The following RERGL variants were observed in gnomAD, a reference collection of about 807,000 sequenced individuals.
RERGL encodes ras-related and estrogen-regulated growth inhibitor-like protein.
In RERGL, 22 loss-of-function variants were observed where a neutral mutation model predicts 24.7. That is an observed-to-expected ratio of 0.89 (90% CI 0.64 to 1.27). The LOEUF is 1.27. RERGL is among the 50% of genes most tolerant of loss of function. The pLI, the probability that RERGL is intolerant of heterozygous loss-of-function variation, is 0.00. For synonymous variants in RERGL, 76 were observed against 82.6 expected, an observed-to-expected ratio of 0.92 and a Z score of 0.43; for missense variants, 259 against 235.3, an observed-to-expected ratio of 1.10 and a Z score of -0.66.
chr12:18,087,523 T>C (rs1947231692), intron 2 of RERGL, among the ~76,000 whole-genome samples: 1 of 152,196 alleles, frequency 6.6e-6, no homozygotes, highest in Non-Finnish European at 1.5e-5. Context: ...TTTCCCCTTC[T>C]AGTTTTAATA....
Position 18,081,370 on chromosome 12 carries a change from A to T in RERGL, c.436T>A (p.Cys146Ser). 6.2e-7 allele frequency: 1 copy of T among 1,614,174 alleles called. No homozygotes were observed. The highest frequency in any genetic ancestry group is 8.5e-7 in the Non-Finnish European group (1 of 1,180,018). The change falls in exon 5 of 5, where the codon TGC becomes AGC. Residue 146 changes from cysteine to serine, a missense_variant. Physicochemically the swap from Cys to Ser is moderately radical, Grantham distance 112. Transcript: ENST00000538724. Reference protein sequence around the residue: ...EGQKLALENRCQFCELSAAEQ... With the variant: ...EGQKLALENRSQFCELSAAEQ... Reference sequence around the variant, plus strand: ...GCTGCAGACAGTTCACAGAATTGGCATCGGTTTTCCAGTGCCAGCTTTTGC... The same window carrying T: ...GCTGCAGACAGTTCACAGAATTGGCTTCGGTTTTCCAGTGCCAGCTTTTGC...
At chr12:18,084,494 G>C (rs757806152) in intron 4 of RERGL, 23 bp downstream of exon 4, 1 of 1,585,598 alleles carries the variant, frequency 6.3e-7, no homozygotes, top group Non-Finnish European at 8.6e-7. Flanking sequence ...AAAGAAAGGA[G>C]AAAGGAATGA....
At chr12:18,084,791 T>C (rs1295707013) in intron 3 of RERGL, 126 bp from the exon 4 acceptor site, 2 of 647,264 alleles carry the variant, frequency 3.1e-6, no homozygotes, top group African/African-American at 3.8e-5. Context: ...TATTGATATT[T>C]TCTAAAATAT....
intron 4 of RERGL, among the ~76,000 whole-genome samples, chr12:18,084,146 A>C (rs1465327219): frequency 6.6e-6 from 1 of 152,216 alleles, no homozygotes; most frequent in East Asian, 1.9e-4. Flanking sequence ...ATGTGGTGCC[A>C]AACGTAATAA....
Position 18,089,043 on chromosome 12 carries a change from C to A in RERGL, c.53-87G>T, listed in dbSNP as rs531466257. The stretch of plus-strand genomic sequence containing the variant: ...TGTGCATAAGGCTTTAGTTCTTAAA[C>A]CAAAAATATTCAAGAATTAATAAAG... On this transcript the variant is annotated intron_variant, in intron 1 of 4. Transcript: ENST00000538724. 43 of 1,219,724 alleles carry A rather than the reference C, an allele frequency of 3.5e-5. No individual in the cohort carries two copies. The African/African-American group carries it at 6.1e-4, about 17-fold the overall frequency. 75.6% of individuals were successfully genotyped at this position (1,219,724 alleles called of 1,614,324 possible). A position where few individuals can be genotyped will look rare whatever the true frequency, so the allele number is the denominator to read the frequency against.
At position 18,090,181 on chromosome 12, in the gene RERGL, T is replaced by A. The variant is rs867640866; in HGVS notation, c.-41A>T. 1.9e-5 allele frequency: 28 copies of A among 1,495,626 alleles called. No homozygotes were observed. In the African/African-American group the frequency reaches 3.1e-4, roughly 16 times the overall value. 92.6% of individuals were successfully genotyped at this position (1,495,626 alleles called of 1,614,324 possible). ...CTTGGTCAGTCCTATTTTCTGGAAC[T>A]ACACTGCCCTGTGACAAGCTTTTTT... is the stretch of plus-strand genomic sequence containing the variant. On this transcript the variant is annotated 5_prime_UTR_variant, in exon 1 of 5. Coordinates refer to ENST00000538724, the MANE Select transcript of RERGL (RefSeq NM_001286201.2).
chr12:18,088,925 G>T lies in RERGL; in HGVS notation c.84C>A (p.Phe28Leu). The T allele has an allele frequency of 6.2e-7, 1 of 1,609,478 alleles. No individual in the cohort carries two copies. Among genetic ancestry groups the T allele is most frequent in the Non-Finnish European group, 8.5e-7 (1 of 1,176,110 alleles). Residue 28 changes from phenylalanine (F) to leucine (L), a missense_variant, in exon 2 of 5, where the codon TTC (phenylalanine) becomes TTA (leucine). Transcript: ENST00000538724. Reference protein sequence around the residue: ...ALTVRFLTKRFIGEYASNFES... With the variant: ...ALTVRFLTKRLIGEYASNFES... ...CAAAATTAGAAGCATATTCTCCAAT[G>T]AATCGCTTAGTAAGAAACCTCACTG... is the stretch of plus-strand genomic sequence containing the variant.
chr12:18,081,523 T>C (rs1311618851), intron 4 of RERGL, 50 bp from the exon 5 acceptor site: 3 of 1,343,898 alleles, frequency 2.2e-6, no homozygotes, highest in Non-Finnish European at 3.0e-6. Flanking sequence ...ACAACTCTTT[T>C]TTTTAAAAAA....
intron 1 of RERGL, among the ~76,000 whole-genome samples, chr12:18,089,791 G>T (rs571824267): frequency 6.6e-6 from 1 of 152,034 alleles, no homozygotes; most frequent in Admixed American, 6.6e-5. Flanking sequence ...TAGTGATGCA[G>T]AAATTTCCTG....
chr12:18,085,652 G>C lies in RERGL; in HGVS notation c.151C>G (p.Leu51Val). The C allele has an allele frequency of 6.3e-7, 1 of 1,598,626 alleles. No homozygotes were observed. Among genetic ancestry groups the C allele is most frequent in the Non-Finnish European group, 8.6e-7 (1 of 1,169,416 alleles). ...CAAGGGTCATATATTTCTAGATTTA[G>C]TTGTTTCCTTTCCAAACACAAGTGC... is the stretch of plus-strand genomic sequence containing the variant. ...KKHLCLERKQ[L>V]NLEIYDPCSQ... The change falls in exon 3 of 5, where the codon CTA becomes GTA. Residue 51 changes from leucine to valine, a missense_variant. By Grantham distance (32) the Leu-to-Val change is conservative (BLOSUM62 1). Transcript: ENST00000538724.
rs1418166946 is a variant in RERGL at position 18,085,711 on chromosome 12, T to A, written c.110-18A>T. ...GATAGATTCTGCAAAAATATGCATA[T>A]CCACTGTCAGTATGAAAATACTCCA... On this transcript the variant is annotated intron_variant, in intron 2 of 4. Coordinates refer to ENST00000538724, the MANE Select transcript of RERGL (RefSeq NM_001286201.2). The A allele has an allele frequency of 2.1e-6, 3 of 1,428,954 alleles. No homozygotes were observed. The highest frequency in any genetic ancestry group is 2.9e-6 in the Non-Finnish European group (3 of 1,022,546). The allele number at this position is 1,428,954 out of a possible 1,614,324, so 88.5% of individuals were successfully genotyped here.
chr12:18,088,812 G>T, intron 2 of RERGL, 88 bp downstream of exon 2: 1 of 852,606 alleles, frequency 1.2e-6, no homozygotes, highest in Non-Finnish European at 2.0e-6. Context: ...AAATGGTATA[G>T]TCTATCAAAA....
chr12:18,083,087 CT>C (rs1947188334), intron 4 of RERGL, among the ~76,000 whole-genome samples: 1 of 151,854 alleles, frequency 6.6e-6, no homozygotes, highest in South Asian at 2.1e-4. Context: ...GTGTGGTGAA[CT>C]TTTAAAAATG....
chr12:18,085,013 G>A (rs964056272), intron 3 of RERGL, among the ~76,000 whole-genome samples: 1 of 151,744 alleles, frequency 6.6e-6, no homozygotes, highest in African/African-American at 2.4e-5. Flanking sequence ...TTAGTAAATG[G>A]AATATCTATT....
chr12:18,082,489 A>G (rs543810249), intron 4 of RERGL, among the ~76,000 whole-genome samples: 1 of 152,310 alleles, frequency 6.6e-6, no homozygotes, highest in South Asian at 2.1e-4. Flanking sequence ...CTAAATTCAA[A>G]GTTTTAAAAA....
chr12:18,084,759 G>A, intron 3 of RERGL, 94 bp from the exon 4 acceptor site: 1 of 917,306 alleles, frequency 1.1e-6, no homozygotes, highest in South Asian at 1.9e-5. Context: ...ACTTCCGCTG[G>A]AAGATACATC....
At chr12:18,090,004 A>G in intron 1 of RERGL, 85 bp downstream of exon 1, 1 of 894,036 alleles carries the variant, frequency 1.1e-6, no homozygotes. Context: ...TGAAATATAT[A>G]TGAAATACGT....
intron 2 of RERGL, among the ~76,000 whole-genome samples, chr12:18,086,718 C>G (rs1382676420): frequency 6.6e-6 from 1 of 152,114 alleles, no homozygotes. Flanking sequence ...CTTTTCAGAT[C>G]TCTTCTAGTC....
chr12:18,088,992 AT>A (rs767523373), intron 1 of RERGL, 36 bp from the exon 2 acceptor site: 1 of 1,534,864 alleles, frequency 6.5e-7, no homozygotes, highest in Non-Finnish European at 9.0e-7. Context: ...GGGCTGTTAT[AT>A]TTTAGGAAAC....
Sources: allele counts gnomAD v4.1 joint callset (sites outside exome capture counted in the v4.1 genomes callset), GRCh38; gene constraint gnomAD v4.1.1; transcripts MANE v1.5; gene names NCBI Gene and HGNC (gene_info 2026-07-23, HGNC 2026-07-21).